CLVS1: variants seen among roughly 807,000 people sequenced by gnomAD.
CLVS1 encodes clavesin 1.
A neutral mutation model predicts 33.1 loss-of-function variants in CLVS1; 10 were observed. The ratio of observed to expected loss-of-function variants is 0.30; its 90% CI spans 0.19 to 0.51. The LOEUF (loss-of-function observed/expected upper bound fraction) is 0.51. Ranked by LOEUF, CLVS1 falls within the 20% of genes least tolerant of loss-of-function variation. The probability of loss-of-function intolerance (pLI) is 0.97; values close to 1 mark genes in which losing one functional copy is unlikely to be tolerated. For missense variants in CLVS1, 343 were observed against 433.4 expected (o/e 0.79, Z 1.85); for synonymous variants, 163 against 166.1 (o/e 0.98, Z 0.14).
chr8:61,104,914 C>T (rs751952592), intron 1 of CLVS1, among the ~76,000 whole-genome samples: 11 of 152,020 alleles, frequency 7.2e-5, no homozygotes, highest in East Asian at 3.9e-4. Flanking sequence ...CTGCAACCTC[C>T]GACTCCTGGG....
intron 3 of CLVS1, among the ~76,000 whole-genome samples, chr8:61,380,415 G>A (rs998259220): frequency 1.3e-5 from 2 of 152,100 alleles, no homozygotes; most frequent in Non-Finnish European, 2.9e-5. Context: ...TCTTGTATCA[G>A]CCAGTCATGA....
At chr8:61,496,153 C>G (rs1351812789) in intron 5 of CLVS1, among the ~76,000 whole-genome samples, 2 of 152,138 alleles carry the variant, frequency 1.3e-5, no homozygotes, top group Non-Finnish European at 2.9e-5. Flanking sequence ...GATTTCCTAT[C>G]AGGTTGGTCT....
At chr8:61,420,763 G>A (rs1815628034) in intron 3 of CLVS1, among the ~76,000 whole-genome samples, 1 of 152,112 alleles carries the variant, frequency 6.6e-6, no homozygotes, top group Non-Finnish European at 1.5e-5. Context: ...GAAGTCAGGA[G>A]TTTGAGACCA....
intron 4 of CLVS1, among the ~76,000 whole-genome samples, chr8:61,456,738 A>G (rs1817174228): frequency 1.3e-5 from 2 of 151,724 alleles, no homozygotes; most frequent in Non-Finnish European, 2.9e-5. Flanking sequence ...ATCACGGTGA[A>G]ACCCCGTCTG....
intron 3 of CLVS1, among the ~76,000 whole-genome samples, chr8:61,386,143 T>C (rs1259701670): frequency 6.6e-6 from 1 of 152,188 alleles, no homozygotes; most frequent in Non-Finnish European, 1.5e-5. Context: ...GCAGCAGTGG[T>C]TCTCATACTT....
At chr8:61,324,994 C>T (rs1811328153) in intron 2 of CLVS1, among the ~76,000 whole-genome samples, 1 of 152,146 alleles carries the variant, frequency 6.6e-6, no homozygotes, top group South Asian at 2.1e-4. Flanking sequence ...CACAGCAGCT[C>T]CTAGCTCTCA....
intron 3 of CLVS1, among the ~76,000 whole-genome samples, chr8:61,385,948 G>T (rs1469629763): frequency 6.6e-6 from 1 of 152,186 alleles, no homozygotes; most frequent in East Asian, 1.9e-4. Context: ...AGAAACTTAA[G>T]GAGGTAGACA....
intron 1 of CLVS1, among the ~76,000 whole-genome samples, chr8:61,111,581 A>G (rs1385806032): frequency 6.6e-6 from 1 of 152,182 alleles, no homozygotes; most frequent in Non-Finnish European, 1.5e-5. Flanking sequence ...ATATTTATGG[A>G]TCATTTCCAT....
At chr8:61,273,816 T>C (rs972200610) in intron 2 of CLVS1, 2 of 154,150 alleles carry the variant, frequency 1.3e-5, no homozygotes, top group Non-Finnish European at 2.9e-5. Context: ...TCCTTGCGCT[T>C]CCCGAGTGAG....
chr8:61,157,194 T>C (rs2129295935), intron 2 of CLVS1, among the ~76,000 whole-genome samples: 1 of 152,276 alleles, frequency 6.6e-6, no homozygotes, highest in Admixed American at 6.5e-5. Flanking sequence ...CTGCTAAGGG[T>C]AGGCTCTTTT....
intron 2 of CLVS1, among the ~76,000 whole-genome samples, chr8:61,255,522 C>A (rs1385849012): frequency 6.6e-6 from 1 of 152,080 alleles, no homozygotes; most frequent in Non-Finnish European, 1.5e-5. Context: ...GAAAATAAAC[C>A]AGTAAGCAAA....
At chr8:61,014,450 C>T in the CLVS1 span, among the ~76,000 whole-genome samples, 2 of 152,258 alleles carry the variant, frequency 1.3e-5, no homozygotes, top group Admixed American at 1.3e-4. Context: ...TGATATTTTG[C>T]TCTTTGGGAC....
chr8:61,495,140 G>T (rs1373675609), intron 5 of CLVS1, among the ~76,000 whole-genome samples: 1 of 152,160 alleles, frequency 6.6e-6, no homozygotes, highest in African/African-American at 2.4e-5. Flanking sequence ...GGAAGTGAAA[G>T]TTGGCTACCT....
chr8:61,237,414 C>T (rs1237052605), intron 2 of CLVS1, among the ~76,000 whole-genome samples: 2 of 152,136 alleles, frequency 1.3e-5, no homozygotes, highest in East Asian at 1.9e-4. Context: ...CACCATTGCA[C>T]CCCAGCCAAG....
the CLVS1 span, among the ~76,000 whole-genome samples, chr8:60,968,282 G>A: frequency 3.9e-5 from 6 of 152,324 alleles, no homozygotes; most frequent in East Asian, 9.6e-4. Flanking sequence ...GGCCGAGGCC[G>A]AGGCCGGCGG....
chr8:61,122,029 A>G (rs941063139), intron 1 of CLVS1, among the ~76,000 whole-genome samples: 1 of 152,180 alleles, frequency 6.6e-6, no homozygotes, highest in Non-Finnish European at 1.5e-5. Context: ...ATTAAACACC[A>G]CCACCACTGG....
chr8:61,342,305 A>G (rs1382116154), intron 2 of CLVS1, among the ~76,000 whole-genome samples: 1 of 152,190 alleles, frequency 6.6e-6, no homozygotes, highest in Non-Finnish European at 1.5e-5. Flanking sequence ...GAGAGAAAGG[A>G]GAACAAGAGT....
At chr8:61,020,464 C>G in the CLVS1 span, among the ~76,000 whole-genome samples, 2 of 152,200 alleles carry the variant, frequency 1.3e-5, no homozygotes, top group Non-Finnish European at 2.9e-5. Flanking sequence ...TTTGGAATAA[C>G]AGCTTAGCCC....
chr8:61,120,899 A>G (rs1314187435), intron 1 of CLVS1, among the ~76,000 whole-genome samples: 2 of 147,584 alleles, frequency 1.4e-5, no homozygotes, highest in African/African-American at 5.1e-5. Context: ...GGTAGGCTCC[A>G]CCCATTTCCA....
Sources: allele counts gnomAD v4.1 joint callset (sites outside exome capture counted in the v4.1 genomes callset), GRCh38; gene constraint gnomAD v4.1.1; transcripts MANE v1.5; gene names NCBI Gene and HGNC (gene_info 2026-07-23, HGNC 2026-07-21).